Variants in DNAH3 observed in about 807,000 individuals in gnomAD.
The protein encoded by DNAH3 is axonemal beta dynein heavy chain 3.
DNAH3 carries 332 observed loss-of-function variants against 432.5 expected under a neutral mutation model. That is an observed-to-expected ratio of 0.77 (90% CI 0.70 to 0.84). DNAH3 has a LOEUF of 0.84. Among genes scored for constraint, DNAH3 ranks in the 40% least tolerant of loss-of-function variants. The pLI is 0.00. For missense variants in DNAH3, 4,861 were observed against 5,114.0 expected (o/e 0.95, Z 1.51); for synonymous variants, 1,956 against 1,900.2 (o/e 1.03, Z -0.76).
At chr16:20,997,835 T>TA (rs765854199) in intron 43 of DNAH3, among the ~76,000 whole-genome samples, 6,806 of 74,520 alleles carry the variant, frequency 0.091, 248 homozygotes, top group South Asian at 0.12. Context: ...CCTGTCTCCA[T>TA]AAAAAAAAAA....
rs149177346 is a variant in DNAH3, at chr16:20,988,792, G to T, written c.6602-727C>A. ...AGTGTTACAGCTCTTAAGGTGGCGC[G>T]TCTGGAGGTTGTTCCTTCTGATGTT... On this transcript the variant is annotated intron_variant, in intron 44 of 61. Transcript: ENST00000261383. 2.4e-3 allele frequency among the ~76,000 whole-genome samples: 361 copies of T among 152,278 alleles called. 1 individual carries two copies. Among genetic ancestry groups the T allele is most frequent in the African/African-American group, 8.5e-3 (353 of 41,550 alleles).
At chr16:21,134,926 G>T (rs1567853173) in intron 6 of DNAH3, among the ~76,000 whole-genome samples, 1 of 152,096 alleles carries the variant, frequency 6.6e-6, no homozygotes, top group African/African-American at 2.4e-5. Flanking sequence ...GACCTCAGGT[G>T]ATCCACCCGC....
intron 3 of DNAH3, among the ~76,000 whole-genome samples, chr16:21,143,103 AC>A (rs1258264592): frequency 1.3e-5 from 2 of 152,138 alleles, no homozygotes; most frequent in African/African-American, 2.4e-5. Flanking sequence ...ATATTCAAAG[AC>A]TCTGGCTTGC....
chr16:21,145,017 C>G (rs767091278), intron 3 of DNAH3, among the ~76,000 whole-genome samples, 164 bp downstream of exon 4: 6 of 152,146 alleles, frequency 3.9e-5, no homozygotes, highest in Non-Finnish European at 8.8e-5. Flanking sequence ...GAGGCTGAGG[C>G]AGGAGAATCA....
chr16:20,966,317 G>A (rs543927006), intron 52 of DNAH3, among the ~76,000 whole-genome samples: 4 of 151,700 alleles, frequency 2.6e-5, no homozygotes, highest in Non-Finnish European at 2.9e-5. Flanking sequence ...GGGATTACAG[G>A]TATGGGCCAC....
chr16:20,969,858 C>T, exon 52 of DNAH3: 4 of 1,614,194 alleles, frequency 2.5e-6, no homozygotes, highest in Non-Finnish European at 3.4e-6. Flanking sequence ...CTCTCCATGA[C>T]CAGTTTGACA....
At position 20,944,373 on chromosome 16, in the gene DNAH3, C is replaced by T. The variant is rs1285505768; in HGVS notation, c.11511+123G>A. The T allele has an allele frequency of 1.2e-5, 14 of 1,158,146 alleles. No homozygotes were observed. The East Asian group carries it at 3.1e-4, about 25-fold the overall frequency. 71.7% of individuals were successfully genotyped at this position (1,158,146 alleles called of 1,614,324 possible). ...AAGGCCACAGTGCTCCTTCCCTGCCCTTGGCCAGGAGGCTGCCAGGCCCCC... is the reference window on the plus strand; with the variant it reads ...AAGGCCACAGTGCTCCTTCCCTGCCTTTGGCCAGGAGGCTGCCAGGCCCCC... On this transcript the variant is annotated intron_variant, in intron 58 of 61. Coordinates refer to ENST00000261383, the Ensembl canonical transcript of DNAH3.
intron 3 of DNAH3, among the ~76,000 whole-genome samples, chr16:21,143,506 G>A (rs1248462638): frequency 6.6e-6 from 1 of 152,140 alleles, no homozygotes; most frequent in Non-Finnish European, 1.5e-5. Flanking sequence ...AGAACCACAA[G>A]ATATGAATTT....
chr16:21,152,958 A>C (rs1240109108), intron 1 of DNAH3, among the ~76,000 whole-genome samples: 1 of 152,120 alleles, frequency 6.6e-6, no homozygotes, highest in African/African-American at 2.4e-5. Context: ...AGTCCCACCG[A>C]CCACCCAAGG....
intron 47 of DNAH3, 148 bp from the exon 48 acceptor site, chr16:20,985,863 C>CGTTTT (rs1567585736): frequency 2.3e-6 from 2 of 864,068 alleles, no homozygotes; most frequent in Non-Finnish European, 3.5e-6. Flanking sequence ...TGTTTTGTTT[C>CGTTTT]GTTTTGTTTT....
chr16:21,014,288 A>C (rs2087756077), intron 41 of DNAH3, among the ~76,000 whole-genome samples: 1 of 152,244 alleles, frequency 6.6e-6, no homozygotes, highest in African/African-American at 2.4e-5. Context: ...AAGGTATATA[A>C]GTCTGGCTCA....
chr16:21,022,742 T>C (rs138459197), intron 39 of DNAH3, among the ~76,000 whole-genome samples: 1 of 151,142 alleles, frequency 6.6e-6, no homozygotes, highest in Non-Finnish European at 1.5e-5. Context: ...TTTATTTACT[T>C]ACTAAATTTT....
chr16:20,970,961 G>A lies in DNAH3; in HGVS notation c.8260-971C>T, dbSNP rs376682946. ...CGGCTCACTGCAACCTCTGCTTCCC[G>A]GGTTCAAGTGATTCTCGCACTTCAG... On this transcript the variant is annotated intron_variant, in intron 51 of 61. Coordinates refer to ENST00000261383, the Ensembl canonical transcript of DNAH3. Among the ~76,000 whole-genome samples, 199 of 149,116 alleles carry A rather than the reference G, an allele frequency of 1.3e-3. 6 individuals carry two copies. The South Asian group carries it at 0.036, about 27-fold the overall frequency.
intron 25 of DNAH3, among the ~76,000 whole-genome samples, chr16:21,060,830 T>TC (rs1314064600): frequency 2.1e-5 from 1 of 47,382 alleles, no homozygotes; most frequent in African/African-American, 7.0e-5. Flanking sequence ...GGTCTCTTCT[T>TC]TTTTTTTTTT....
At chr16:20,964,175 C>T in exon 53 of DNAH3, 3 of 1,614,154 alleles carry the variant, frequency 1.9e-6, no homozygotes, top group Non-Finnish European at 1.7e-6. Context: ...TCTTCAATTT[C>T]CTTGAGATGC....
At chr16:21,127,396 CAAAA>C (rs11342012) in intron 8 of DNAH3, among the ~76,000 whole-genome samples, 1 of 136,552 alleles carries the variant, frequency 7.3e-6, no homozygotes, top group East Asian at 2.1e-4. Flanking sequence ...ACTAATAATA[CAAAA>C]AAAAAAAAAA....
chr16:20,935,560 G>GT (rs2083556742), intron 60 of DNAH3, 75 bp from the exon 61 acceptor site: 1 of 1,491,726 alleles, frequency 6.7e-7, no homozygotes. Context: ...AATGTAACGA[G>GT]TACCATATAA....
Position 21,122,184 on chromosome 16 carries a change from G to A in DNAH3, c.1405-60C>T, listed in dbSNP as rs1032756545. 2.8e-6 allele frequency: 4 copies of A among 1,415,756 alleles called. No homozygotes were observed. In the Admixed American group the frequency reaches 6.1e-5, roughly 21 times the overall value. 87.7% of individuals were successfully genotyped at this position (1,415,756 alleles called of 1,614,324 possible). ...AATTGGGCCTTCCAAAATCAAGGGA[G>A]TGAATTTTATACATTCATAGAACTA... On this transcript the variant is annotated intron_variant, in intron 9 of 61. Transcript: ENST00000261383.
chr16:21,085,643 A>C (rs1055031418), intron 19 of DNAH3, among the ~76,000 whole-genome samples: 9 of 151,916 alleles, frequency 5.9e-5, no homozygotes, highest in Non-Finnish European at 1.3e-4. Context: ...TGGGAAACTG[A>C]AAGTAGCTTC....
Sources: allele counts gnomAD v4.1 joint callset (sites outside exome capture counted in the v4.1 genomes callset), GRCh38; gene constraint gnomAD v4.1.1; transcripts MANE v1.5; gene names NCBI Gene and HGNC (gene_info 2026-07-23, HGNC 2026-07-21).